KLF12: variants seen among roughly 807,000 people sequenced by gnomAD.
KLF12 encodes Krueppel-like factor 12.
A neutral mutation model predicts 37.8 loss-of-function variants in KLF12; 9 were observed. The ratio of observed to expected loss-of-function variants is 0.24; its 90% CI spans 0.14 to 0.42. KLF12 has a LOEUF of 0.42. KLF12 is among the 10% of genes least tolerant of loss of function. KLF12 has a pLI of 1.00. For synonymous variants in KLF12, 208 were observed against 202.1 expected (o/e 1.03, Z -0.25); for missense variants, 411 against 516.0 (o/e 0.80, Z 1.97).
At chr13:73,858,966 A>G (rs903168415) in intron 3 of KLF12, among the ~76,000 whole-genome samples, 1 of 152,256 alleles carries the variant, frequency 6.6e-6, no homozygotes, top group Non-Finnish European at 1.5e-5. Context: ...CAGGAAAAAA[A>G]GCAACATTTA....
intron 3 of KLF12, among the ~76,000 whole-genome samples, chr13:73,873,065 G>A (rs898237551): frequency 6.6e-6 from 1 of 151,946 alleles, no homozygotes; most frequent in Admixed American, 6.6e-5. Context: ...ACATCATTTG[G>A]TTAGTGCATT....
chr13:73,924,302 C>A (rs1314120637), intron 3 of KLF12, among the ~76,000 whole-genome samples: 2 of 148,112 alleles, frequency 1.4e-5, no homozygotes, highest in Non-Finnish European at 3.0e-5. Flanking sequence ...TTTAGGGCAA[C>A]CCTGCATTTA....
At chr13:74,278,864 G>A in the KLF12 span, among the ~76,000 whole-genome samples, 12 of 152,318 alleles carry the variant, frequency 7.9e-5, no homozygotes, top group South Asian at 1.9e-3. Context: ...TAGTGTCACT[G>A]TTAAGAACAC....
At chr13:73,720,247 T>C (rs1876138976) in intron 6 of KLF12, among the ~76,000 whole-genome samples, 1 of 152,184 alleles carries the variant, frequency 6.6e-6, no homozygotes, top group Non-Finnish European at 1.5e-5. Flanking sequence ...CTGGGTGTTT[T>C]CACTCTGCCT....
At chr13:74,044,686 A>C (rs759813529) in intron 1 of KLF12, among the ~76,000 whole-genome samples, 5 of 152,122 alleles carry the variant, frequency 3.3e-5, no homozygotes, top group African/African-American at 4.8e-5. Context: ...CTCTACTAAA[A>C]TACAAAAAAT....
the KLF12 span, among the ~76,000 whole-genome samples, chr13:74,148,105 C>T: frequency 2.0e-5 from 3 of 151,596 alleles, no homozygotes; most frequent in Admixed American, 6.6e-5. Flanking sequence ...TTAGTAGGGA[C>T]GGGGTTTCAC....
rs1409243606 is a variant in KLF12 at position 73,695,416 on chromosome 13, G to A, written c.*74C>T. ...TGCCCTTTTGTGTTAACACTGTGAAGGGGATTCAGCCCTGCTGAATTGGGT... is the reference window on the plus strand; with the variant it reads ...TGCCCTTTTGTGTTAACACTGTGAAAGGGATTCAGCCCTGCTGAATTGGGT... On this transcript the variant is annotated 3_prime_UTR_variant, in exon 8 of 8. Coordinates refer to ENST00000377669, the MANE Select transcript of KLF12 (RefSeq NM_007249.5). The A allele has an allele frequency of 5.7e-6, 8 of 1,411,464 alleles. No individual in the cohort carries two copies. Among genetic ancestry groups the A allele is most frequent in the Middle Eastern group, 4.9e-4 (2 of 4,112 alleles). 87.4% of individuals were successfully genotyped at this position (1,411,464 alleles called of 1,614,324 possible). A position where few individuals can be genotyped will look rare whatever the true frequency, so the allele number is the denominator to read the frequency against.
chr13:73,774,321 TAG>T (rs1335409938), intron 5 of KLF12, among the ~76,000 whole-genome samples: 2 of 151,186 alleles, frequency 1.3e-5, no homozygotes, highest in African/African-American at 4.9e-5. Context: ...TATATATATA[TAG>T]ATTATACATT....
intron 6 of KLF12, among the ~76,000 whole-genome samples, chr13:73,723,903 G>C (rs1415362782): frequency 6.6e-6 from 1 of 152,142 alleles, no homozygotes; most frequent in Non-Finnish European, 1.5e-5. Flanking sequence ...ACAGATGCTG[G>C]AGAGGATGCG....
intron 1 of KLF12, among the ~76,000 whole-genome samples, chr13:74,072,867 T>C (rs1012550637): frequency 2.6e-5 from 4 of 152,208 alleles, no homozygotes; most frequent in Admixed American, 6.5e-5. Flanking sequence ...GTAGCTAATA[T>C]GACCATTGAT....
At chr13:74,225,039 G>T in the KLF12 span, among the ~76,000 whole-genome samples, 3 of 152,142 alleles carry the variant, frequency 2.0e-5, no homozygotes, top group African/African-American at 7.2e-5. Flanking sequence ...CTACTAAATG[G>T]CTTTCTCCTT....
the KLF12 span, among the ~76,000 whole-genome samples, chr13:74,232,223 A>G: frequency 2.9e-3 from 443 of 152,322 alleles, no homozygotes; most frequent in African/African-American, 0.01. Flanking sequence ...TTCAACAAAA[A>G]CACTAGTAAC....
intron 3 of KLF12, among the ~76,000 whole-genome samples, chr13:73,894,484 C>T (rs1482843054): frequency 6.6e-6 from 1 of 152,114 alleles, no homozygotes; most frequent in African/African-American, 2.4e-5. Flanking sequence ...GAGGTTGTCA[C>T]CATGAATGCC....
chr13:74,046,233 G>C (rs1210581278), intron 1 of KLF12, among the ~76,000 whole-genome samples: 1 of 152,098 alleles, frequency 6.6e-6, no homozygotes, highest in East Asian at 1.9e-4. Context: ...TACGATATTA[G>C]CAACACGGGA....
the KLF12 span, among the ~76,000 whole-genome samples, chr13:74,275,863 TTTCTA>T: frequency 1.5e-3 from 174 of 114,656 alleles, no homozygotes; most frequent in Admixed American, 3.0e-3. Flanking sequence ...TCTTTCTTTC[TTTCTA>T]TCTTTCTTTC....
chr13:74,293,052 G>T, the KLF12 span, among the ~76,000 whole-genome samples: 2 of 152,162 alleles, frequency 1.3e-5, no homozygotes, highest in African/African-American at 2.4e-5. Flanking sequence ...CCAGAAAGGG[G>T]CTCTGAACAC....
At chr13:74,234,552 A>T in the KLF12 span, among the ~76,000 whole-genome samples, 1 of 152,234 alleles carries the variant, frequency 6.6e-6, no homozygotes, top group Non-Finnish European at 1.5e-5. Context: ...GTATAAAGCT[A>T]CACTTAAAAG....
chr13:74,080,835 G>A (rs1456679661), intron 1 of KLF12, among the ~76,000 whole-genome samples: 6 of 152,312 alleles, frequency 3.9e-5, no homozygotes, highest in Admixed American at 3.3e-4. Flanking sequence ...ACTAAAAAAG[G>A]TAGGGTGTGG....
the KLF12 span, among the ~76,000 whole-genome samples, chr13:74,157,846 T>TA: frequency 7.2e-5 from 11 of 152,326 alleles, no homozygotes; most frequent in Non-Finnish European, 1.3e-4. Flanking sequence ...GCTGAGTCCT[T>TA]AGACATCCTG....
Sources: allele counts gnomAD v4.1 joint callset (sites outside exome capture counted in the v4.1 genomes callset), GRCh38; gene constraint gnomAD v4.1.1; transcripts MANE v1.5; gene names NCBI Gene and HGNC (gene_info 2026-07-23, HGNC 2026-07-21).